ZNRF1: variants seen among roughly 807,000 people sequenced by gnomAD.
ZNRF1 encodes the protein zinc and ring finger 1, also known as E3 ubiquitin-protein ligase ZNRF1.
A neutral mutation model predicts 18.4 loss-of-function variants in ZNRF1; 3 were observed. The observed-to-expected ratio is 0.16, with a 90% CI of 0.07 to 0.42. The LOEUF is 0.42. Ranked by LOEUF, ZNRF1 falls within the 10% of genes least tolerant of loss-of-function variation. ZNRF1 has a pLI of 0.99. For missense variants in ZNRF1, 310 were observed against 329.8 expected, an observed-to-expected ratio of 0.94 and a Z score of 0.47; for synonymous variants, 157 against 144.2, an observed-to-expected ratio of 1.09 and a Z score of -0.64.
intron 1 of ZNRF1, among the ~76,000 whole-genome samples, chr16:75,061,243 T>C: frequency 6.6e-6 from 1 of 152,060 alleles, no homozygotes; most frequent in Admixed American, 6.5e-5. Context: ...AAATAGTAGG[T>C]CTTATTCATT....
chr16:75,087,155 C>T (rs373644815), intron 1 of ZNRF1, among the ~76,000 whole-genome samples: 2 of 152,262 alleles, frequency 1.3e-5, no homozygotes, highest in African/African-American at 4.8e-5. Context: ...AACCAGTTGC[C>T]CCCATCCTTC....
chr16:75,053,249 A>G (rs1189081901), intron 1 of ZNRF1, among the ~76,000 whole-genome samples: 1 of 152,218 alleles, frequency 6.6e-6, no homozygotes, highest in East Asian at 1.9e-4. Context: ...AGAGGGTCAG[A>G]AAAGCATTTT....
intron 1 of ZNRF1, among the ~76,000 whole-genome samples, chr16:75,061,782 G>T (rs1358059343): frequency 6.6e-6 from 1 of 152,164 alleles, no homozygotes; most frequent in Non-Finnish European, 1.5e-5. Context: ...CACTCCTTTA[G>T]GTTTCTTAAC....
chr16:75,052,320 G>C (rs1354598233), intron 1 of ZNRF1, among the ~76,000 whole-genome samples: 1 of 151,702 alleles, frequency 6.6e-6, no homozygotes, highest in Admixed American at 6.6e-5. Flanking sequence ...AAAATTGCTT[G>C]AGCCCAGGAG....
chr16:75,055,500 G>A (rs754934887), intron 1 of ZNRF1, among the ~76,000 whole-genome samples: 3 of 152,160 alleles, frequency 2.0e-5, no homozygotes, highest in Non-Finnish European at 4.4e-5. Flanking sequence ...GGAGTAGGTC[G>A]TGTTCTGTCC....
At chr16:75,002,934 C>T (rs2034871583) in intron 1 of ZNRF1, among the ~76,000 whole-genome samples, 1 of 152,172 alleles carries the variant, frequency 6.6e-6, no homozygotes, top group South Asian at 2.1e-4. Flanking sequence ...TTATTCTCTC[C>T]AGTCACTCAC....
At chr16:75,012,887 A>G (rs1400847374) in intron 1 of ZNRF1, among the ~76,000 whole-genome samples, 3 of 152,166 alleles carry the variant, frequency 2.0e-5, no homozygotes, top group African/African-American at 7.2e-5. Context: ...AAAGCCTGTT[A>G]CCGGTTCCAG....
intron 1 of ZNRF1, among the ~76,000 whole-genome samples, chr16:75,031,208 C>T (rs2187217): frequency 0.88 from 132,217 of 150,988 alleles, 58,359 homozygotes; most frequent in Non-Finnish European, 0.93. Context: ...CTTGGCTCTC[C>T]GCAATCTCCG....
chr16:75,081,369 A>G (rs1465995916), intron 1 of ZNRF1, among the ~76,000 whole-genome samples: 1 of 152,182 alleles, frequency 6.6e-6, no homozygotes, highest in Non-Finnish European at 1.5e-5. Context: ...AGGAAGTGAC[A>G]CTTTCTTCTG....
rs189438070 is a variant in ZNRF1 at position 75,080,284 on chromosome 16, G to A, written c.425-13288G>A. 1.8e-4 allele frequency among the ~76,000 whole-genome samples: 27 copies of A among 152,340 alleles called. No homozygotes were observed. The East Asian group carries it at 4.8e-3, about 27-fold the overall frequency. ...GCATCCCAGGATTATGCTGGGAGCC[G>A]TGGAAGGAGCCTTCTCACAGACCTC... On this transcript the variant is annotated intron_variant, in intron 1 of 4. Coordinates refer to ENST00000335325, the MANE Select transcript of ZNRF1 (RefSeq NM_032268.5).
intron 1 of ZNRF1, among the ~76,000 whole-genome samples, chr16:75,043,648 ACT>A (rs1235289143): frequency 6.6e-6 from 1 of 151,986 alleles, no homozygotes; most frequent in Non-Finnish European, 1.5e-5. Context: ...AATCTGATAA[ACT>A]CTGATAAAAG....
chr16:75,062,016 A>C (rs1567482836), intron 1 of ZNRF1, among the ~76,000 whole-genome samples: 1 of 152,340 alleles, frequency 6.6e-6, no homozygotes, highest in East Asian at 1.9e-4. Context: ...GCTTAAAATT[A>C]GGTTACACTT....
intron 1 of ZNRF1, among the ~76,000 whole-genome samples, chr16:75,012,108 T>C (rs2035007185): frequency 6.6e-6 from 1 of 152,144 alleles, no homozygotes; most frequent in African/African-American, 2.4e-5. Flanking sequence ...ATAAATCCCT[T>C]GAGGGGAACA....
chr16:75,010,122 A>G (rs1263214448), intron 1 of ZNRF1, among the ~76,000 whole-genome samples: 1 of 152,066 alleles, frequency 6.6e-6, no homozygotes, highest in Non-Finnish European at 1.5e-5. Context: ...AGCTGGGATT[A>G]TAGGCGCCTA....
At chr16:75,105,197 T>C in intron 3 of ZNRF1, 1 of 309,588 alleles carries the variant, frequency 3.2e-6, no homozygotes, top group South Asian at 3.3e-5. Flanking sequence ...ACTGGGAAGG[T>C]TGGTTCTCCG....
chr16:75,078,020 G>A (rs1391708008), intron 1 of ZNRF1, among the ~76,000 whole-genome samples: 1 of 152,192 alleles, frequency 6.6e-6, no homozygotes, highest in Non-Finnish European at 1.5e-5. Flanking sequence ...GGATTCGGAG[G>A]TGGACATGTT....
chr16:75,053,908 T>C (rs146576094), intron 1 of ZNRF1, among the ~76,000 whole-genome samples: 4 of 152,348 alleles, frequency 2.6e-5, no homozygotes, highest in Admixed American at 1.3e-4. Context: ...CTTTGGCTCA[T>C]TGTGGCCACG....
intron 1 of ZNRF1, among the ~76,000 whole-genome samples, chr16:75,030,108 C>T (rs2035282754): frequency 1.3e-5 from 2 of 149,136 alleles, no homozygotes; most frequent in Non-Finnish European, 3.0e-5. Context: ...ATTCACATAC[C>T]ATACAATTCA....
chr16:75,059,419 T>C (rs767127224), intron 1 of ZNRF1, among the ~76,000 whole-genome samples: 3 of 151,846 alleles, frequency 2.0e-5, no homozygotes, highest in Non-Finnish European at 2.9e-5. Context: ...GGCTAAGTTT[T>C]GTATTTTTTG....
Sources: allele counts gnomAD v4.1 joint callset (sites outside exome capture counted in the v4.1 genomes callset), GRCh38; gene constraint gnomAD v4.1.1; transcripts MANE v1.5; gene names NCBI Gene and HGNC (gene_info 2026-07-23, HGNC 2026-07-21).